VCAN: variants seen among roughly 807,000 people sequenced by gnomAD.
The protein encoded by VCAN is versican core protein.
Under a neutral mutation model 245.5 loss-of-function variants are expected in VCAN, and 44 were observed. That is an observed-to-expected ratio of 0.18 (90% CI 0.14 to 0.23). The LOEUF (loss-of-function observed/expected upper bound fraction) is 0.23. Ranked by LOEUF, VCAN falls within the 10% of genes least tolerant of loss-of-function variation. The pLI, the probability that VCAN is intolerant of heterozygous loss-of-function variation, is 1.00. For missense variants in VCAN, 3,793 were observed against 4,057.9 expected (o/e 0.93, Z 1.77); for synonymous variants, 1,413 against 1,437.0 (o/e 0.98, Z 0.38).
intron 7 of VCAN, among the ~76,000 whole-genome samples, chr5:83,533,711 T>C (rs1470507824): frequency 6.6e-6 from 1 of 152,128 alleles, no homozygotes; most frequent in Non-Finnish European, 1.5e-5. Context: ...ATCATATTTA[T>C]TTAGGTTAGA....
chr5:83,525,891 C>T (rs1357574185), intron 7 of VCAN, among the ~76,000 whole-genome samples: 1 of 151,584 alleles, frequency 6.6e-6, no homozygotes, highest in Admixed American at 6.6e-5. Flanking sequence ...GCTCTGAGGG[C>T]AGGAGCCATC....
rs1165147554 is a variant in VCAN at position 83,582,212 on chromosome 5, C to T, written c.*1778C>T. 1 of 152,022 alleles carries T rather than the reference C, an allele frequency of 6.6e-6. No homozygotes were observed. The highest frequency in any genetic ancestry group is 2.4e-5 in the African/African-American group (1 of 41,412). The allele number at this position is 152,022 out of a possible 1,614,324, so 9.4% of individuals were successfully genotyped here. ...CGTGTATAGTGTAAAATGTGAATGA[C>T]TTTTTTTGTGAATGAAAATCTAAAA... On this transcript the variant is annotated 3_prime_UTR_variant, in exon 15 of 15. Coordinates refer to ENST00000265077, the MANE Select transcript of VCAN (RefSeq NM_004385.5).
chr5:83,538,094 T>G lies in VCAN; in HGVS notation c.5091T>G (p.Ser1697=), dbSNP rs763643785. 22 of 1,614,076 alleles carry G rather than the reference T, an allele frequency of 1.4e-5. No individual in the cohort carries two copies. Among genetic ancestry groups the G allele is most frequent in the Non-Finnish European group, 1.8e-5 (21 of 1,179,992 alleles). The stretch of plus-strand genomic sequence containing the variant: ...TTTATCCAGTTTCTGAACAACCTTC[T>G]GCAAAAGTGGTGCCTACCAAGTTTG... ...TTIYPVSEQP[S]AKVVPTKFVS... Residue 1697 remains serine (S), a synonymous_variant, in exon 8 of 15, where the codon TCT becomes TCG. Transcript: ENST00000265077.
chr5:83,577,786 A>G (rs1580084302), intron 13 of VCAN, among the ~76,000 whole-genome samples: 1 of 152,180 alleles, frequency 6.6e-6, no homozygotes, highest in Non-Finnish European at 1.5e-5. Context: ...TGAAAAGACT[A>G]CACTTTCCCT....
chr5:83,519,015 A>G (rs1745966582), intron 6 of VCAN, among the ~76,000 whole-genome samples: 1 of 152,214 alleles, frequency 6.6e-6, no homozygotes, highest in African/African-American at 2.4e-5. Context: ...TACTGTATCT[A>G]AAATCTGCAT....
intron 2 of VCAN, among the ~76,000 whole-genome samples, chr5:83,485,582 G>T (rs550398299): frequency 6.6e-6 from 1 of 152,234 alleles, no homozygotes; most frequent in East Asian, 1.9e-4. Context: ...GGAGGTTATT[G>T]TAGTAGCCTG....
chr5:83,502,944 T>G (rs1304699364), intron 5 of VCAN, among the ~76,000 whole-genome samples: 1 of 152,222 alleles, frequency 6.6e-6, no homozygotes, highest in African/African-American at 2.4e-5. Context: ...CTCTGGGGTC[T>G]AAAATGAAGT....
intron 1 of VCAN, 118 bp from the exon 2 acceptor site, chr5:83,483,395 T>G (rs1744678861): frequency 1.2e-6 from 1 of 800,330 alleles, no homozygotes; most frequent in Non-Finnish European, 2.1e-6. Context: ...TCTTCTACTC[T>G]TATTACTTAA....
intron 7 of VCAN, among the ~76,000 whole-genome samples, chr5:83,522,554 A>T (rs1435213154): frequency 6.6e-6 from 1 of 152,242 alleles, no homozygotes; most frequent in Non-Finnish European, 1.5e-5. Flanking sequence ...CATCTAATAT[A>T]ACCAAATCAT....
At chr5:83,568,683 A>T (rs1027146240) in intron 12 of VCAN, among the ~76,000 whole-genome samples, 2 of 152,208 alleles carry the variant, frequency 1.3e-5, no homozygotes, top group African/African-American at 2.4e-5. Context: ...AAAAAGGGTT[A>T]GTTAAGAAAT....
At chr5:83,573,577 T>G (rs1262769370) in intron 13 of VCAN, among the ~76,000 whole-genome samples, 2 of 152,190 alleles carry the variant, frequency 1.3e-5, no homozygotes, top group African/African-American at 4.8e-5. Flanking sequence ...TATTTACATT[T>G]TAAAATGATG....
At chr5:83,564,966 C>CA (rs915126007) in intron 12 of VCAN, among the ~76,000 whole-genome samples, 5 of 152,044 alleles carry the variant, frequency 3.3e-5, no homozygotes, top group African/African-American at 7.2e-5. Flanking sequence ...TTTTAAAAAA[C>CA]AAAAGGTGAC....
At position 83,519,774 on chromosome 5, in the gene VCAN, A is replaced by G; in HGVS notation, c.1468A>G (p.Ile490Val). 6.2e-7 allele frequency: 1 copy of G among 1,614,188 alleles called. No homozygotes were observed. The highest frequency in any genetic ancestry group is 8.5e-7 in the Non-Finnish European group (1 of 1,179,998). Reference sequence around the variant, plus strand: ...ACAAACACAAGAATCGGTTACACAGATTGAACAAATAGAAGTGGGTCCTTT... The same window carrying G: ...ACAAACACAAGAATCGGTTACACAGGTTGAACAAATAGAAGTGGGTCCTTT... Reference protein sequence around the residue: ...DKQTQESVTQIEQIEVGPLVT... With the variant: ...DKQTQESVTQVEQIEVGPLVT... Residue 490 changes from isoleucine to valine, a missense_variant, in exon 7 of 15, where the codon ATT becomes GTT. This residue lies in a region of VCAN where 3,182 missense variants were observed against 3,250.3 expected (regional missense o/e 0.98). Coordinates refer to ENST00000265077, the MANE Select transcript of VCAN (RefSeq NM_004385.5).
At chr5:83,494,245 T>G (rs527998251) in intron 5 of VCAN, among the ~76,000 whole-genome samples, 1 of 152,322 alleles carries the variant, frequency 6.6e-6, no homozygotes, top group African/African-American at 2.4e-5. Flanking sequence ...GTGGTACCTA[T>G]TCTGGTGAGA....
chr5:83,475,998 G>C (rs1327478107), intron 1 of VCAN, among the ~76,000 whole-genome samples: 1 of 152,180 alleles, frequency 6.6e-6, no homozygotes, highest in Non-Finnish European at 1.5e-5. Flanking sequence ...TTTGCAAACT[G>C]GAGGGAGATG....
At chr5:83,572,384 C>G in intron 12 of VCAN, 32 bp from the exon 13 acceptor site, 4 of 1,613,512 alleles carry the variant, frequency 2.5e-6, no homozygotes, top group Non-Finnish European at 3.4e-6. Context: ...TTTTGACTAG[C>G]AAGTAGTTAC....
intron 1 of VCAN, among the ~76,000 whole-genome samples, chr5:83,481,800 A>G (rs757134161): frequency 6.6e-6 from 1 of 152,238 alleles, no homozygotes; most frequent in Admixed American, 6.5e-5. Context: ...TTCAAAATAT[A>G]TAAAGAAATC....
At chr5:83,529,811 G>A (rs534254145) in intron 7 of VCAN, among the ~76,000 whole-genome samples, 1 of 152,234 alleles carries the variant, frequency 6.6e-6, no homozygotes, top group South Asian at 2.1e-4. Flanking sequence ...TGACTAGAAA[G>A]CACCAAGCAC....
chr5:83,526,964 G>A (rs559943158), intron 7 of VCAN, among the ~76,000 whole-genome samples: 3 of 152,290 alleles, frequency 2.0e-5, no homozygotes, highest in Admixed American at 2.0e-4. Flanking sequence ...GGTACACTGA[G>A]TCTGACATTC....
Sources: gnomAD v4.1 joint callset for allele counts (sites outside exome capture counted in the v4.1 genomes callset) on GRCh38, gnomAD v4.1.1 for gene constraint, gnomAD v4.1.1 regional missense constraint, MANE v1.5 for transcripts, NCBI Gene and HGNC (gene_info 2026-07-23, HGNC 2026-07-21) for gene names.